Variants in PDYN observed in about 807,000 individuals in gnomAD.
The protein encoded by PDYN is prodynorphin.
Under a neutral mutation model 11.4 loss-of-function variants are expected in PDYN, and 5 were observed. The ratio of observed to expected loss-of-function variants is 0.44; its 90% confidence interval spans 0.23 to 0.92. The LOEUF (loss-of-function observed/expected upper bound fraction) is 0.92. Ranked by LOEUF, PDYN falls within the 40% of genes least tolerant of loss-of-function variation. The probability of loss-of-function intolerance (pLI) is 0.24; values close to 1 mark genes in which losing one functional copy is unlikely to be tolerated. For synonymous variants in PDYN, 132 were observed against 129.5 expected (o/e 1.02, Z -0.13); for missense variants, 337 against 317.3 (o/e 1.06, Z -0.47).
chr20:1,992,944 C>G (rs1041544492), intron 1 of PDYN, among the ~76,000 whole-genome samples: 3 of 151,742 alleles, frequency 2.0e-5, no homozygotes, highest in African/African-American at 7.3e-5. Context: ...CCTGGGAAGA[C>G]TGGAGACTTA....
At chr20:1,982,725 C>G (rs1987902670) in intron 3 of PDYN, among the ~76,000 whole-genome samples, 1 of 152,226 alleles carries the variant, frequency 6.6e-6, no homozygotes, top group South Asian at 2.1e-4. Flanking sequence ...TCCCTGGACA[C>G]CTGAGTCTCT....
intron 2 of PDYN, among the ~76,000 whole-genome samples, chr20:1,987,558 GC>G (rs931981384): frequency 3.3e-5 from 5 of 152,194 alleles, no homozygotes; most frequent in African/African-American, 1.2e-4. Flanking sequence ...TGAGTCTGCA[GC>G]CCCTGAATTA....
At position 1,981,098 on chromosome 20, in the gene PDYN, T is replaced by C. The variant is rs957415392; in HGVS notation, c.130-140A>G. 9.1e-6 allele frequency: 8 copies of C among 878,496 alleles called. No individual in the cohort carries two copies. In the East Asian group the frequency reaches 1.8e-4, roughly 20 times the overall value. The allele number at this position is 878,496 out of a possible 1,614,324, so 54.4% of individuals were successfully genotyped here. ...CCTGGGCTACCCATGTTCATACTAC[T>C]GGTGGTGCATAAAGGTAGGGGACTT... On this transcript the variant is annotated intron_variant, in intron 3 of 3. Transcript: ENST00000217305.
At chr20:1,991,718 C>G (rs550103013) in intron 2 of PDYN, among the ~76,000 whole-genome samples, 2 of 152,334 alleles carry the variant, frequency 1.3e-5, no homozygotes, top group South Asian at 4.1e-4. Flanking sequence ...GAAATCGAAC[C>G]AGTAACTATT....
intron 2 of PDYN, among the ~76,000 whole-genome samples, chr20:1,990,544 CT>C (rs1761454885): frequency 6.6e-6 from 1 of 152,144 alleles, no homozygotes; most frequent in South Asian, 2.1e-4. Context: ...ACACTTTAGC[CT>C]GGCAAAGATC....
chr20:1,980,603 T>C lies in PDYN; in HGVS notation c.485A>G (p.Tyr162Cys), dbSNP rs1258176824. 1.2e-6 allele frequency: 2 copies of C among 1,614,186 alleles called. No homozygotes were observed. The highest frequency in any genetic ancestry group is 1.7e-6 in the Non-Finnish European group (2 of 1,180,034). ...CTCCTTGGGGTCCTCCTCAGCGAGA[T>C]AGAGTGTGCCAGTCTCCATGGCACC... ...NDGAMETGTL[Y>C]LAEEDPKEQV... Residue 162 changes from tyrosine (Y) to cysteine (C), a missense_variant, in exon 4 of 4, where the codon TAT (tyrosine) becomes TGT (cysteine). Coordinates refer to ENST00000217305, the MANE Select transcript of PDYN (RefSeq NM_024411.5).
In PDYN at chr20:1,980,280, G is replaced by A. The variant is rs1600502986; in HGVS notation, c.*43C>T. 1.3e-6 allele frequency: 2 copies of A among 1,597,360 alleles called. No homozygotes were observed. The highest frequency in any genetic ancestry group is 2.2e-5 in the East Asian group (1 of 44,804). On this transcript the variant is annotated 3_prime_UTR_variant, in exon 4 of 4. Transcript: ENST00000217305. ...AATGAATGCACTCCAACCTGAAAAG[G>A]TGTCAGGGGTTTCTCCTGACTCTAC...
intron 2 of PDYN, among the ~76,000 whole-genome samples, chr20:1,985,842 A>G (rs1988151406): frequency 6.6e-6 from 1 of 152,166 alleles, no homozygotes; most frequent in South Asian, 2.1e-4. Flanking sequence ...CAAAGCGGGC[A>G]GCTCATGTTT....
intron 3 of PDYN, among the ~76,000 whole-genome samples, chr20:1,982,118 G>A (rs932488364): frequency 8.6e-5 from 13 of 151,670 alleles, no homozygotes; most frequent in Non-Finnish European, 1.8e-4. Flanking sequence ...TTAGCCGGGT[G>A]TGGTGGTGGG....
At chr20:1,988,095 C>G (rs757824304) in intron 2 of PDYN, among the ~76,000 whole-genome samples, 67 of 152,192 alleles carry the variant, frequency 4.4e-4, no homozygotes, top group Non-Finnish European at 8.2e-4. Context: ...CAACAGCCAC[C>G]GATTCTCAGG....
intron 2 of PDYN, among the ~76,000 whole-genome samples, chr20:1,988,302 C>G (rs1174347646): frequency 6.6e-6 from 1 of 152,174 alleles, no homozygotes; most frequent in African/African-American, 2.4e-5. Flanking sequence ...CCAGATCCCT[C>G]CGGGTTAAAA....
chr20:1,985,513 T>TGGATATATA (rs879812728), intron 2 of PDYN, among the ~76,000 whole-genome samples: 1 of 152,128 alleles, frequency 6.6e-6, no homozygotes, highest in Non-Finnish European at 1.5e-5. Flanking sequence ...CCAAGGGGCT[T>TGGATATATA]TATATACAAG....
At chr20:1,992,996 C>A (rs1455174237) in intron 1 of PDYN, among the ~76,000 whole-genome samples, 1 of 150,132 alleles carries the variant, frequency 6.7e-6, no homozygotes, top group African/African-American at 2.5e-5. Context: ...TCTTGATACC[C>A]AGGAAAAAGT....
chr20:1,989,330 C>G (rs1313395361), intron 2 of PDYN, among the ~76,000 whole-genome samples: 1 of 152,072 alleles, frequency 6.6e-6, no homozygotes, highest in African/African-American at 2.4e-5. Context: ...GGGAGGCTTG[C>G]CTTGGGATTT....
At position 1,989,429 on chromosome 20, in the gene PDYN, G is replaced by C. The variant is rs200973125; in HGVS notation, c.-20+3155C>G. Reference sequence around the variant, plus strand: ...CCTCAGTCTTCTCATCTGTGATTGGGGTGTATCATCTTCCTGCACTGAGAC... The same window carrying C: ...CCTCAGTCTTCTCATCTGTGATTGGCGTGTATCATCTTCCTGCACTGAGAC... On this transcript the variant is annotated intron_variant, in intron 2 of 3. Coordinates refer to ENST00000217305, the MANE Select transcript of PDYN (RefSeq NM_024411.5). Among the ~76,000 whole-genome samples, 3 of 152,258 alleles carry C rather than the reference G, an allele frequency of 2.0e-5. No individual in the cohort carries two copies. In the East Asian group the frequency reaches 5.8e-4, roughly 29 times the overall value.
At position 1,980,395 on chromosome 20, in the gene PDYN, C is replaced by T. The variant is rs768552568; in HGVS notation, c.693G>A (p.Arg231=). 1.2e-6 allele frequency: 2 copies of T among 1,614,170 alleles called. No homozygotes were observed. Among genetic ancestry groups the T allele is most frequent in the Non-Finnish European group, 1.7e-6 (2 of 1,180,026 alleles). Residue 231 remains arginine, a synonymous_variant, in exon 4 of 4, where the codon CGG becomes CGA. Coordinates refer to ENST00000217305, the MANE Select transcript of PDYN (RefSeq NM_024411.5). Reference sequence around the variant, plus strand: ...ACCGAGTCACCACCTTGAACTGGCGCCGGAGAAAACCGCCATAGCGCTTCT... The same window carrying T: ...ACCGAGTCACCACCTTGAACTGGCGTCGGAGAAAACCGCCATAGCGCTTCT... ...DNQKRYGGFL[R]RQFKVVTRSQ...
intron 3 of PDYN, among the ~76,000 whole-genome samples, chr20:1,982,664 C>T (rs1429398975): frequency 2.6e-5 from 4 of 152,152 alleles, no homozygotes; most frequent in African/African-American, 9.7e-5. Context: ...TGCTGACTGC[C>T]GAAGTCAGCA....
chr20:1,982,843 G>T, intron 3 of PDYN, 113 bp downstream of exon 3: 1 of 1,148,002 alleles, frequency 8.7e-7, no homozygotes, highest in Non-Finnish European at 1.3e-6. Flanking sequence ...CTGCACAGGT[G>T]GGATGGATCT....
At chr20:1,990,064 G>A (rs982379127) in intron 2 of PDYN, among the ~76,000 whole-genome samples, 2 of 152,208 alleles carry the variant, frequency 1.3e-5, no homozygotes, top group Non-Finnish European at 2.9e-5. Context: ...CTCATTTAGG[G>A]TGTAGCTATG....
Sources: gnomAD v4.1 joint callset for allele counts (sites outside exome capture counted in the v4.1 genomes callset) on GRCh38, gnomAD v4.1.1 for gene constraint, MANE v1.5 for transcripts, NCBI Gene and HGNC (gene_info 2026-07-23, HGNC 2026-07-21) for gene names.